Variants in RBFOX2 observed in about 807,000 individuals in gnomAD.
RBFOX2 encodes the protein RNA binding fox-1 homolog 2.
Under a neutral mutation model 49.1 loss-of-function variants are expected in RBFOX2, and 10 were observed. The ratio of observed to expected loss-of-function variants is 0.20; its 90% CI spans 0.13 to 0.35. The LOEUF (loss-of-function observed/expected upper bound fraction) is 0.35. RBFOX2 is among the 10% of genes least tolerant of loss of function. RBFOX2 has a pLI of 1.00. For synonymous variants in RBFOX2, 183 were observed against 187.4 expected (o/e 0.98, Z 0.19); for missense variants, 323 against 486.9 (o/e 0.66, Z 3.17).
At chr22:35,858,669 T>C (rs981160177) in intron 1 of RBFOX2, among the ~76,000 whole-genome samples, 3 of 151,454 alleles carry the variant, frequency 2.0e-5, no homozygotes, top group Admixed American at 2.0e-4. Flanking sequence ...CTACTAAAAA[T>C]ACAAAAAATA....
intron 9 of RBFOX2, among the ~76,000 whole-genome samples, chr22:35,748,992 C>A (rs140492530): frequency 6.6e-6 from 1 of 152,228 alleles, no homozygotes; most frequent in African/African-American, 2.4e-5. Context: ...CTGACAGAAC[C>A]AATTTCCCCT....
intron 4 of RBFOX2, among the ~76,000 whole-genome samples, chr22:35,775,482 G>C (rs1013802133): frequency 6.6e-6 from 1 of 152,206 alleles, no homozygotes; most frequent in Admixed American, 6.5e-5. Context: ...TTCTCAAAGA[G>C]AAAGCTCATG....
chr22:35,869,319 G>A (rs1382678078), intron 1 of RBFOX2, among the ~76,000 whole-genome samples: 2 of 151,604 alleles, frequency 1.3e-5, no homozygotes, highest in Non-Finnish European at 2.9e-5. Context: ...CGCCACGCCT[G>A]GCTAATTTTT....
intron 1 of RBFOX2, among the ~76,000 whole-genome samples, chr22:36,020,470 A>C (rs2059201147): frequency 6.6e-6 from 1 of 152,210 alleles, no homozygotes; most frequent in South Asian, 2.1e-4. Context: ...CAACCTACAG[A>C]ATGGGAGAAA....
intron 1 of RBFOX2, among the ~76,000 whole-genome samples, chr22:36,007,653 C>T (rs1281879775): frequency 6.6e-6 from 1 of 152,010 alleles, no homozygotes; most frequent in Non-Finnish European, 1.5e-5. Context: ...TTTACCTATA[C>T]CCTTATTCCT....
chr22:35,982,706 T>A (rs2057521065), intron 1 of RBFOX2, among the ~76,000 whole-genome samples: 1 of 152,106 alleles, frequency 6.6e-6, no homozygotes, highest in African/African-American at 2.4e-5. Context: ...AGTGCAACAG[T>A]TATATAAGAA....
chr22:35,872,848 A>G (rs1219121273), intron 1 of RBFOX2, among the ~76,000 whole-genome samples: 1 of 152,118 alleles, frequency 6.6e-6, no homozygotes, highest in Non-Finnish European at 1.5e-5. Flanking sequence ...GATGGTCTTG[A>G]AAAATGCAAC....
intron 9 of RBFOX2, among the ~76,000 whole-genome samples, chr22:35,757,881 G>A (rs1187566468): frequency 2.0e-5 from 3 of 152,104 alleles, no homozygotes; most frequent in African/African-American, 7.2e-5. Context: ...AAACTTCAAA[G>A]ATCTTAGTAA....
At chr22:35,897,401 C>G in intron 1 of RBFOX2, 1 of 994,790 alleles carries the variant, frequency 1.0e-6, no homozygotes, top group African/African-American at 1.6e-5. Context: ...CTAAGCTGGG[C>G]AGGTGAGACA....
chr22:35,898,420 T>C (rs1051814620), intron 1 of RBFOX2: 8 of 117,040 alleles, frequency 6.8e-5, no homozygotes, highest in South Asian at 2.4e-4. Context: ...CCCACAATCC[T>C]TTTTTTTTTT....
At chr22:35,947,672 TAAAAAA>T (rs559788717) in intron 1 of RBFOX2, among the ~76,000 whole-genome samples, 1 of 34,144 alleles carries the variant, frequency 2.9e-5, no homozygotes, top group African/African-American at 1.2e-4. Flanking sequence ...GTTTAAAAAG[TAAAAAA>T]AAAAAAAAAA....
intron 1 of RBFOX2, among the ~76,000 whole-genome samples, chr22:35,972,297 C>G (rs547777156): frequency 1.8e-4 from 27 of 152,032 alleles, no homozygotes; most frequent in Non-Finnish European, 2.9e-4. Flanking sequence ...TCTTCTAAAT[C>G]ATGCAAAAAG....
intron 1 of RBFOX2, among the ~76,000 whole-genome samples, chr22:35,956,597 T>C (rs934744806): frequency 6.6e-6 from 1 of 152,102 alleles, no homozygotes; most frequent in Non-Finnish European, 1.5e-5. Flanking sequence ...CCTGACCTCA[T>C]GATCCCCCGC....
At position 35,913,558 on chromosome 22, in the gene RBFOX2, G is replaced by GTA. The variant is rs200808738; in HGVS notation, c.-34+25288_-34+25289insTA. Among the ~76,000 whole-genome samples the GTA allele has an allele frequency of 5.8e-3, 869 of 149,576 alleles. 14 individuals carry two copies. Among genetic ancestry groups the GTA allele is most frequent in the African/African-American group, 0.019 (779 of 40,724 alleles). On this transcript the variant is annotated intron_variant, in intron 1 of 13. Transcript: ENST00000359369. Reference sequence around the variant, plus strand: ...TATGTGTGTATATGTATGTGTGTGTGTGTATATATATATATAGATGGATAG... The same window carrying GTA: ...TATGTGTGTATATGTATGTGTGTGTGTATGTATATATATATATAGATGGATAG...
chr22:35,982,207 A>G (rs971146083), intron 1 of RBFOX2, among the ~76,000 whole-genome samples: 2 of 152,182 alleles, frequency 1.3e-5, no homozygotes, highest in African/African-American at 4.8e-5. Flanking sequence ...TTTGAACACA[A>G]AAGACCGAAA....
At chr22:35,948,543 G>A (rs2149821443) in intron 1 of RBFOX2, among the ~76,000 whole-genome samples, 1 of 152,088 alleles carries the variant, frequency 6.6e-6, no homozygotes, top group African/African-American at 2.4e-5. Context: ...AAATTAGCCA[G>A]GTGTGGTGGT....
At chr22:35,797,118 A>G (rs1365353098) in intron 2 of RBFOX2, among the ~76,000 whole-genome samples, 1 of 152,162 alleles carries the variant, frequency 6.6e-6, no homozygotes, top group Non-Finnish European at 1.5e-5. Context: ...AGGAAAATAA[A>G]ATACATTTAT....
rs373995138 is a variant in RBFOX2, at chr22:35,850,829, A to T, written c.-33-40825T>A. On this transcript the variant is annotated intron_variant, in intron 1 of 13. Transcript: ENST00000359369. ...CTTAGAAAAAGGACACAGAGTGAGCAGAAAGTGAAAATTAATGTTTATTAA... is the reference window on the plus strand; with the variant it reads ...CTTAGAAAAAGGACACAGAGTGAGCTGAAAGTGAAAATTAATGTTTATTAA... Among the ~76,000 whole-genome samples, 4 of 152,362 alleles carry T rather than the reference A, an allele frequency of 2.6e-5. No homozygotes were observed. The East Asian group carries it at 5.8e-4, about 22-fold the overall frequency.
At chr22:35,971,579 A>G (rs980736075) in intron 1 of RBFOX2, among the ~76,000 whole-genome samples, 5 of 152,086 alleles carry the variant, frequency 3.3e-5, no homozygotes, top group African/African-American at 7.2e-5. Context: ...TTATATATAC[A>G]TATCTCCCCT....
Sources: allele counts gnomAD v4.1 joint callset (sites outside exome capture counted in the v4.1 genomes callset), GRCh38; gene constraint gnomAD v4.1.1; transcripts MANE v1.5; gene names NCBI Gene and HGNC (gene_info 2026-07-23, HGNC 2026-07-21).